ZNF804B: variants seen among roughly 807,000 people sequenced by gnomAD.
ZNF804B encodes the protein zinc finger protein 804B.
Under a neutral mutation model 101.4 loss-of-function variants are expected in ZNF804B, and 80 were observed. That is an observed-to-expected ratio of 0.79 (90% CI 0.66 to 0.95). ZNF804B has a LOEUF of 0.95. Among genes scored for constraint, ZNF804B ranks in the 40% least tolerant of loss-of-function variants. The pLI, the probability that ZNF804B is intolerant of heterozygous loss-of-function variation, is 0.00. For missense variants in ZNF804B, 1,673 were observed against 1,561.9 expected (o/e 1.07, Z -1.20); for synonymous variants, 622 against 558.8 (o/e 1.11, Z -1.59).
intron 1 of ZNF804B, among the ~76,000 whole-genome samples, chr7:89,168,522 G>A (rs1791175837): frequency 6.6e-6 from 1 of 152,002 alleles, no homozygotes; most frequent in Non-Finnish European, 1.5e-5. Flanking sequence ...AAGTCCTAAT[G>A]GGCAATGAAA....
At chr7:89,079,758 T>G (rs1409220239) in intron 1 of ZNF804B, among the ~76,000 whole-genome samples, 2 of 151,976 alleles carry the variant, frequency 1.3e-5, no homozygotes, top group Non-Finnish European at 2.9e-5. Context: ...AGAGGTGACT[T>G]TTGCGTAAAC....
intron 1 of ZNF804B, among the ~76,000 whole-genome samples, chr7:89,115,965 C>T (rs750966559): frequency 1.3e-5 from 2 of 149,998 alleles, no homozygotes; most frequent in East Asian, 2.0e-4. Context: ...GGAGCAGTGG[C>T]GTGATCTTGG....
intron 1 of ZNF804B, among the ~76,000 whole-genome samples, chr7:88,886,907 A>C (rs760447035): frequency 2.4e-4 from 30 of 125,098 alleles, no homozygotes; most frequent in East Asian, 1.3e-3. Flanking sequence ...CTTAGGAAAA[A>C]TAGACTATTC....
intron 1 of ZNF804B, among the ~76,000 whole-genome samples, chr7:89,156,814 C>T (rs1216378937): frequency 2.6e-5 from 4 of 152,040 alleles, no homozygotes; most frequent in Non-Finnish European, 5.9e-5. Flanking sequence ...ATGCTGGCGC[C>T]TAGATATACA....
At chr7:89,033,555 T>C (rs187636859) in intron 1 of ZNF804B, among the ~76,000 whole-genome samples, 1 of 152,296 alleles carries the variant, frequency 6.6e-6, no homozygotes, top group African/African-American at 2.4e-5. Flanking sequence ...CCATAATTAA[T>C]GTACTGACTT....
rs77802127 is a variant in ZNF804B, at chr7:89,265,719, A to G, written c.249+47424A>G. Among the ~76,000 whole-genome samples the G allele has an allele frequency of 4.1e-4, 63 of 152,360 alleles. 3 individuals are homozygous for G. In the East Asian group the frequency reaches 0.012, roughly 29 times the overall value. On this transcript the variant is annotated intron_variant, in intron 2 of 3. Coordinates refer to ENST00000333190, the MANE Select transcript of ZNF804B (RefSeq NM_181646.5). The stretch of plus-strand genomic sequence containing the variant: ...TTCAAAAAAATAGAAACATGTTGTG[A>G]AAATACAGATTATTTCTCTATTTTA...
intron 1 of ZNF804B, among the ~76,000 whole-genome samples, chr7:89,216,585 C>T (rs903753385): frequency 6.6e-6 from 1 of 152,152 alleles, no homozygotes; most frequent in Non-Finnish European, 1.5e-5. Flanking sequence ...CTTTAACTCT[C>T]TTAGGTAGGC....
chr7:88,874,976 A>C (rs1275470089), intron 1 of ZNF804B, among the ~76,000 whole-genome samples: 1 of 133,454 alleles, frequency 7.5e-6, no homozygotes, highest in Admixed American at 7.9e-5. Flanking sequence ...ACCACAGTGC[A>C]ATCAAACTAG....
chr7:88,805,683 A>C (rs1249775337), intron 1 of ZNF804B, among the ~76,000 whole-genome samples: 3 of 152,226 alleles, frequency 2.0e-5, no homozygotes, highest in African/African-American at 7.2e-5. Flanking sequence ...TGCCTGCTTC[A>C]TTAAGGACAG....
chr7:88,966,097 C>T (rs190911806), intron 1 of ZNF804B, among the ~76,000 whole-genome samples: 236 of 151,468 alleles, frequency 1.6e-3, no homozygotes, highest in Non-Finnish European at 2.7e-3. Flanking sequence ...AATTTTTTTG[C>T]ATTGACTAAA....
chr7:89,087,003 T>C (rs949929364), intron 1 of ZNF804B, among the ~76,000 whole-genome samples: 2 of 149,520 alleles, frequency 1.3e-5, no homozygotes, highest in Non-Finnish European at 3.0e-5. Context: ...AAAATTGTAG[T>C]GCCAAAAGGC....
chr7:88,996,217 T>C lies in ZNF804B; in HGVS notation c.109-221938T>C, dbSNP rs141039365. ...AAGGAAAATTTCTCTAACTGTAGAT[T>C]GTAGGCATTTTAAAAGACAGTGCCT... On this transcript the variant is annotated intron_variant, in intron 1 of 3. Transcript: ENST00000333190. Among the ~76,000 whole-genome samples, 5 of 152,210 alleles carry C rather than the reference T, an allele frequency of 3.3e-5. 1 individual carries two copies. In the East Asian group the frequency reaches 9.7e-4, roughly 29 times the overall value.
At chr7:89,312,159 G>A (rs933110637) in intron 2 of ZNF804B, among the ~76,000 whole-genome samples, 1 of 152,126 alleles carries the variant, frequency 6.6e-6, no homozygotes, top group Non-Finnish European at 1.5e-5. Flanking sequence ...TCCACTCTGA[G>A]TTATAAAGAA....
intron 1 of ZNF804B, among the ~76,000 whole-genome samples, chr7:88,892,383 G>C (rs58233601): frequency 0.033 from 4,952 of 152,100 alleles, 281 homozygotes; most frequent in African/African-American, 0.11. Context: ...ACTCTAACTT[G>C]TAGAAAATAG....
At position 88,840,399 on chromosome 7, in the gene ZNF804B, G is replaced by T. The variant is rs758505778; in HGVS notation, c.108+80315G>T. The stretch of plus-strand genomic sequence containing the variant: ...TATGTTTTAAATGGAACTTCTTTTG[G>T]AAGAGTAACAATATCTAGCCTTGTT... On this transcript the variant is annotated intron_variant, in intron 1 of 3. Transcript: ENST00000333190. Among the ~76,000 whole-genome samples the T allele has an allele frequency of 2.8e-4, 42 of 152,188 alleles. 1 individual carries two copies. Among genetic ancestry groups the T allele is most frequent in the Middle Eastern group, 3.4e-3 (1 of 294 alleles).
Position 88,916,036 on chromosome 7 carries a change from C to A in ZNF804B, c.108+155952C>A, listed in dbSNP as rs79984872. Among the ~76,000 whole-genome samples, 1,113 of 151,786 alleles carry A rather than the reference C, an allele frequency of 7.3e-3. 18 individuals are homozygous for A. Among genetic ancestry groups the A allele is most frequent in the African/African-American group, 0.025 (1,045 of 41,444 alleles). ...CCTTAAATTTTTCCTGTAAAGAAAG[C>A]AAAATGTATCTGTGGGCTTAAAAAA... On this transcript the variant is annotated intron_variant, in intron 1 of 3. Coordinates refer to ENST00000333190, the MANE Select transcript of ZNF804B (RefSeq NM_181646.5).
At position 89,336,537 on chromosome 7, in the gene ZNF804B, G is replaced by T. The variant is rs561953233; in HGVS notation, c.3555G>T (p.Gly1185=). The part of the protein sequence containing the change: ...SKHLRVLPAA[G]PTAFSPASTV... ...ATCTTCGAGTTTTGCCTGCTGCAGG[G>T]CCTACTGCCTTCTCTCCGGCCTCAA... The change falls in exon 4 of 4, where the codon GGG becomes GGT. Residue 1185 remains glycine (G), a synonymous_variant. Transcript: ENST00000333190. 6.2e-7 allele frequency: 1 copy of T among 1,613,888 alleles called. No individual in the cohort carries two copies. Among genetic ancestry groups the T allele is most frequent in the African/African-American group, 1.3e-5 (1 of 74,890 alleles).
chr7:88,923,457 A>G (rs1189396481), intron 1 of ZNF804B, among the ~76,000 whole-genome samples: 1 of 152,142 alleles, frequency 6.6e-6, no homozygotes, highest in African/African-American at 2.4e-5. Context: ...ATCCAATTAA[A>G]ATTTTATATA....
rs12704466 is a variant in ZNF804B at position 89,338,059 on chromosome 7, G to A, written c.*1027G>A. Among the ~76,000 whole-genome samples, 2 of 151,770 alleles carry A rather than the reference G, an allele frequency of 1.3e-5. No individual in the cohort carries two copies. The highest frequency in any genetic ancestry group is 2.1e-4 in the South Asian group (1 of 4,828). On this transcript the variant is annotated 3_prime_UTR_variant, in exon 4 of 4. Coordinates refer to ENST00000333190, the MANE Select transcript of ZNF804B (RefSeq NM_181646.5). ...TGAATAAATTCACCATCCATGTAAT[G>A]TTGCAAATAATTTCAAACATTCATT... is the stretch of plus-strand genomic sequence containing the variant.
Sources: allele counts gnomAD v4.1 joint callset (sites outside exome capture counted in the v4.1 genomes callset), GRCh38; gene constraint gnomAD v4.1.1; transcripts MANE v1.5; gene names NCBI Gene and HGNC (gene_info 2026-07-23, HGNC 2026-07-21).